Variants in PSMD12 observed in about 807,000 individuals in gnomAD.
PSMD12 encodes the protein 26S proteasome non-ATPase regulatory subunit 12.
Under a neutral mutation model 62.9 loss-of-function variants are expected in PSMD12, and 8 were observed. That is an observed-to-expected ratio of 0.13 (90% confidence interval 0.07 to 0.23). PSMD12 has a LOEUF of 0.23. Ranked by LOEUF, PSMD12 falls within the 10% of genes least tolerant of loss-of-function variation. The pLI, the probability that PSMD12 is intolerant of heterozygous loss-of-function variation, is 1.00. For synonymous variants in PSMD12, 173 were observed against 187.4 expected, an observed-to-expected ratio of 0.92 and a Z score of 0.63; for missense variants, 424 against 550.2, an observed-to-expected ratio of 0.77 and a Z score of 2.29.
chr17:67,344,489 G>T, intron 9 of PSMD12, 117 bp downstream of exon 9: 6 of 954,312 alleles, frequency 6.3e-6, no homozygotes, highest in Non-Finnish European at 7.6e-6. Flanking sequence ...ATGAACATTT[G>T]GTTATCAAAT....
At position 67,346,910 on chromosome 17, in the gene PSMD12, A is replaced by G. The variant is rs113036928; in HGVS notation, c.795+206T>C. Among the ~76,000 whole-genome samples the G allele has an allele frequency of 2.1e-3, 323 of 152,364 alleles. 1 individual carries two copies. Among genetic ancestry groups the G allele is most frequent in the African/African-American group, 7.5e-3 (312 of 41,586 alleles). On this transcript the variant is annotated intron_variant, in intron 7 of 10. Coordinates refer to ENST00000356126, the MANE Select transcript of PSMD12 (RefSeq NM_002816.5). ...ATGACCCACTGTACACATTTTAAACAGGAATCCTACATTTCTCCAAAAGTG... is the reference window on the plus strand; with the variant it reads ...ATGACCCACTGTACACATTTTAAACGGGAATCCTACATTTCTCCAAAAGTG...
chr17:67,358,241 G>A (rs919631472), intron 1 of PSMD12, among the ~76,000 whole-genome samples: 2 of 152,036 alleles, frequency 1.3e-5, no homozygotes, highest in Non-Finnish European at 2.9e-5. Flanking sequence ...TCTGATCAGA[G>A]ACTCTAAGTG....
In PSMD12 at chr17:67,347,492, C is replaced by T. The variant is rs776064217; in HGVS notation, c.511-7G>A. ...TTGACCCGTAGGTTTCCACCTAGCA[C>T]AGTAATTCCCCAAATAAGTTTATAA... On this transcript the variant is annotated splice_polypyrimidine_tract_variant and splice_region_variant and intron_variant, in intron 5 of 10. Transcript: ENST00000356126. 2 of 1,600,526 alleles carry T rather than the reference C, an allele frequency of 1.2e-6. No individual in the cohort carries two copies. The highest frequency in any genetic ancestry group is 1.7e-6 in the Non-Finnish European group (2 of 1,176,542).
intron 1 of PSMD12, 113 bp from the exon 2 acceptor site, chr17:67,357,691 G>A: frequency 1.9e-6 from 2 of 1,025,660 alleles, no homozygotes; most frequent in South Asian, 2.8e-5. Context: ...TCTTCTAGAG[G>A]AAAAGGACTA....
At position 67,342,174 on chromosome 17, in the gene PSMD12, AT is replaced by A; in HGVS notation, c.1161+11del. 6.5e-7 allele frequency: 1 copy of A among 1,536,520 alleles called. No individual in the cohort carries two copies. On this transcript the variant is annotated intron_variant, in intron 10 of 10. Transcript: ENST00000356126. Reference sequence around the variant, plus strand: ...AATGCCTACAAATAACTCAAAGTTGATTACTACTTACATCAACAGATAGATC... The same window carrying A: ...AATGCCTACAAATAACTCAAAGTTGATACTACTTACATCAACAGATAGATC...
At chr17:67,361,588 A>C (rs752700915) in intron 1 of PSMD12, among the ~76,000 whole-genome samples, 1 of 152,144 alleles carries the variant, frequency 6.6e-6, no homozygotes, top group East Asian at 1.9e-4. Context: ...TCTAAAAAAA[A>C]AGTCACCACA....
At chr17:67,348,467 TA>T in intron 5 of PSMD12, 82 bp downstream of exon 5, 1 of 1,097,022 alleles carries the variant, frequency 9.1e-7, no homozygotes, top group Non-Finnish European at 1.4e-6. Context: ...ACATTTTGGA[TA>T]AGGGATACTC....
intron 3 of PSMD12, 119 bp from the exon 4 acceptor site, chr17:67,350,455 A>C: frequency 1.7e-6 from 1 of 594,094 alleles, no homozygotes; most frequent in Non-Finnish European, 2.8e-6. Context: ...TAGACACCAA[A>C]ATGTCATAAA....
At position 67,354,903 on chromosome 17, in the gene PSMD12, G is replaced by A. The variant is rs559243067; in HGVS notation, c.297+2400C>T. On this transcript the variant is annotated intron_variant, in intron 3 of 10. Transcript: ENST00000356126. ...TACTTGGGAGGCTCAGGCAGAAGAAGTGCATAAACCCGAGGGGCGGAGGTT... is the reference window on the plus strand; with the variant it reads ...TACTTGGGAGGCTCAGGCAGAAGAAATGCATAAACCCGAGGGGCGGAGGTT... Among the ~76,000 whole-genome samples the A allele has an allele frequency of 2.0e-5, 3 of 152,006 alleles. No homozygotes were observed. The East Asian group carries it at 5.9e-4, about 30-fold the overall frequency.
At chr17:67,354,217 C>T (rs1312293564) in intron 3 of PSMD12, among the ~76,000 whole-genome samples, 1 of 152,136 alleles carries the variant, frequency 6.6e-6, no homozygotes, top group East Asian at 1.9e-4. Context: ...GAATTAGAGG[C>T]CTGGTCAACA....
chr17:67,345,417 G>A (rs994077773), intron 8 of PSMD12, among the ~76,000 whole-genome samples: 5 of 151,876 alleles, frequency 3.3e-5, no homozygotes, highest in East Asian at 1.9e-4. Context: ...CGAGGTGGGC[G>A]GATCACCTGG....
intron 3 of PSMD12, among the ~76,000 whole-genome samples, chr17:67,354,403 C>CAA (rs879834619): frequency 8.3e-6 from 1 of 120,548 alleles, no homozygotes. Flanking sequence ...GAGACTGTTT[C>CAA]AAAAAAAAAA....
intron 10 of PSMD12, 68 bp downstream of exon 10, chr17:67,342,118 A>T (rs1435131651): frequency 6.2e-6 from 7 of 1,128,176 alleles, no homozygotes; most frequent in Non-Finnish European, 9.2e-6. Context: ...TGATTTTCTT[A>T]CTCAATTTTT....
chr17:67,364,828 T>C (rs1241371487), intron 1 of PSMD12, among the ~76,000 whole-genome samples: 2 of 152,198 alleles, frequency 1.3e-5, no homozygotes, highest in African/African-American at 2.4e-5. Context: ...TCATCCCCAA[T>C]TGGCAAAGAT....
At chr17:67,353,644 C>T (rs1414213608) in intron 3 of PSMD12, among the ~76,000 whole-genome samples, 4 of 152,034 alleles carry the variant, frequency 2.6e-5, no homozygotes, top group African/African-American at 9.7e-5. Context: ...TCTAAGTCTG[C>T]TTAAGCAAAA....
In PSMD12 at chr17:67,339,285, T is replaced by C. The variant is rs1282711679; in HGVS notation, c.*1558A>G. The C allele has an allele frequency of 6.6e-6, 1 of 151,904 alleles. No individual in the cohort carries two copies. Among genetic ancestry groups the C allele is most frequent in the Non-Finnish European group, 1.5e-5 (1 of 67,938 alleles). The allele number at this position is 151,904 out of a possible 1,614,324, so 9.4% of individuals were successfully genotyped here. The stretch of plus-strand genomic sequence containing the variant: ...ACCACGCCCGGCAAATTTTTGTATT[T>C]TTTTTAGTAGAGACAGGGTTTTGCC... On this transcript the variant is annotated 3_prime_UTR_variant, in exon 11 of 11. Transcript: ENST00000356126.
At chr17:67,353,343 C>T (rs2042036436) in intron 3 of PSMD12, among the ~76,000 whole-genome samples, 1 of 144,722 alleles carries the variant, frequency 6.9e-6, no homozygotes, top group Non-Finnish European at 1.6e-5. Context: ...TTGAGACAGT[C>T]TCACTCTGTC....
chr17:67,354,126 G>A (rs1404359723), intron 3 of PSMD12, among the ~76,000 whole-genome samples: 2 of 152,224 alleles, frequency 1.3e-5, no homozygotes, highest in Non-Finnish European at 2.9e-5. Context: ...AACAGGGCCA[G>A]GGGCCAGGCA....
chr17:67,347,475 T>A lies in PSMD12; in HGVS notation c.521A>T (p.Tyr174Phe). 1 of 1,613,228 alleles carries A rather than the reference T, an allele frequency of 6.2e-7. No individual in the cohort carries two copies. The highest frequency in any genetic ancestry group is 8.5e-7 in the Non-Finnish European group (1 of 1,179,902). Residue 174 changes from tyrosine to phenylalanine, a missense_variant, in exon 6 of 11, where the codon TAC becomes TTC. Coordinates refer to ENST00000356126, the MANE Select transcript of PSMD12 (RefSeq NM_002816.5). ...TCGCTCTTTCTTTTCCATTGACCCG[T>A]AGGTTTCCACCTAGCACAGTAATTC... The part of the protein sequence containing the change: ...SILQELQVET[Y>F]GSMEKKERVE...
Sources: gnomAD v4.1 joint callset for allele counts (sites outside exome capture counted in the v4.1 genomes callset) on GRCh38, gnomAD v4.1.1 for gene constraint, MANE v1.5 for transcripts, NCBI Gene and HGNC (gene_info 2026-07-23, HGNC 2026-07-21) for gene names.